The following NRXN3 variants were observed in gnomAD, a reference collection of about 807,000 sequenced individuals.
NRXN3 encodes the protein neurexin 3.
NRXN3 carries 32 observed loss-of-function variants against 137.6 expected under a neutral mutation model. That is an observed-to-expected ratio of 0.23 (90% confidence interval 0.18 to 0.31). NRXN3 has a LOEUF of 0.31. NRXN3 is among the 10% of genes least tolerant of loss of function. The pLI is 1.00. For synonymous variants in NRXN3, 798 were observed against 784.5 expected (o/e 1.02, Z -0.29); for missense variants, 1,574 against 2,062.5 (o/e 0.76, Z 4.59).
chr14:79,520,932 A>G (rs2097058234), intron 16 of NRXN3, among the ~76,000 whole-genome samples: 1 of 152,208 alleles, frequency 6.6e-6, no homozygotes, highest in Non-Finnish European at 1.5e-5. Context: ...TACCCAAAGG[A>G]TTATAAATTA....
rs1882822 is a variant in NRXN3, at chr14:78,243,847, G to A, written c.709+45G>A. The A allele has an allele frequency of 0.032, 45,781 of 1,441,280 alleles. 888 individuals are homozygous for A. The highest frequency in any genetic ancestry group is 0.038 in the Non-Finnish European group (41,108 of 1,071,286). 89.3% of individuals were successfully genotyped at this position (1,441,280 alleles called of 1,614,324 possible). On this transcript the variant is annotated intron_variant, in intron 2 of 20. Transcript: ENST00000335750. The surrounding 1 kb of genome is among the most constrained non-coding windows in gnomAD (Gnocchi z 4.2). ...TTGCTAGAGACCCACCCACGGGATG[G>A]CTGAGGCTGGGGCTCCTGATACAAA...
intron 15 of NRXN3, among the ~76,000 whole-genome samples, chr14:79,037,728 T>C (rs2099618415): frequency 7.2e-6 from 1 of 137,950 alleles, no homozygotes; most frequent in Admixed American, 7.8e-5. Flanking sequence ...TAAGAGCCAT[T>C]GCCAAGGCCA....
rs550215538 is a variant in NRXN3, at chr14:79,367,096, G to T, written c.3263-100125G>T. ...CCTCCTGGGTTCATGCCTTTCTCCT[G>T]CCTCAGCCTCCCAAGTAGCTGGGAC... On this transcript the variant is annotated intron_variant, in intron 15 of 20. Coordinates refer to ENST00000335750, the MANE Select transcript of NRXN3 (RefSeq NM_001330195.2). Among the ~76,000 whole-genome samples, 309 of 147,044 alleles carry T rather than the reference G, an allele frequency of 2.1e-3. 4 individuals carry two copies. Among genetic ancestry groups the T allele is most frequent in the Middle Eastern group, 0.015 (4 of 266 alleles).
At chr14:79,711,024 G>T (rs1271895837) in intron 19 of NRXN3, among the ~76,000 whole-genome samples, 2 of 152,188 alleles carry the variant, frequency 1.3e-5, no homozygotes, top group South Asian at 2.1e-4. Flanking sequence ...TATTTACAGA[G>T]GTCTATTCCA....
At chr14:79,388,008 C>G (rs1171080505) in intron 15 of NRXN3, among the ~76,000 whole-genome samples, 1 of 150,724 alleles carries the variant, frequency 6.6e-6, no homozygotes. Flanking sequence ...ATGTAAATGA[C>G]GAGTTAATGG....
intron 16 of NRXN3, among the ~76,000 whole-genome samples, chr14:79,488,125 A>G (rs533426731): frequency 1.3e-5 from 2 of 152,256 alleles, no homozygotes; most frequent in South Asian, 4.2e-4. Context: ...GACAAAAGTG[A>G]AGTAGAATTT....
At chr14:79,255,003 A>G (rs893222238) in intron 15 of NRXN3, among the ~76,000 whole-genome samples, 1 of 152,074 alleles carries the variant, frequency 6.6e-6, no homozygotes, top group African/African-American at 2.4e-5. Context: ...AATTGCTTGG[A>G]AGGGCGGTGT....
chr14:79,112,620 T>G (rs2053735048), intron 15 of NRXN3, among the ~76,000 whole-genome samples: 1 of 152,228 alleles, frequency 6.6e-6, no homozygotes, highest in African/African-American at 2.4e-5. Flanking sequence ...TTCAGAAGTG[T>G]TGTCTGCACA....
intron 20 of NRXN3, among the ~76,000 whole-genome samples, chr14:79,838,382 G>C (rs1285964596): frequency 6.6e-6 from 1 of 152,188 alleles, no homozygotes; most frequent in Non-Finnish European, 1.5e-5. Context: ...CTGTAAGTGG[G>C]TTCCAGGGTT....
chr14:79,288,180 A>C (rs2218785), intron 15 of NRXN3, among the ~76,000 whole-genome samples: 2,100 of 152,364 alleles, frequency 0.014, 35 homozygotes, highest in South Asian at 0.081. Context: ...ATAATGTACC[A>C]GAGTGGCACA....
intron 1 of NRXN3, among the ~76,000 whole-genome samples, chr14:78,230,446 G>A (rs1400850513): frequency 6.6e-6 from 1 of 152,100 alleles, no homozygotes; most frequent in Non-Finnish European, 1.5e-5. Flanking sequence ...TGATGGAGAG[G>A]CTGGGGTGAC....
intron 15 of NRXN3, among the ~76,000 whole-genome samples, chr14:79,407,185 T>TG (rs2095330789): frequency 6.6e-6 from 1 of 152,184 alleles, no homozygotes; most frequent in African/African-American, 2.4e-5. Flanking sequence ...GGTTTTAAAA[T>TG]TTTTTGTGTG....
chr14:78,232,601 G>T (rs185522841), intron 1 of NRXN3, among the ~76,000 whole-genome samples: 12 of 152,226 alleles, frequency 7.9e-5, no homozygotes, highest in Admixed American at 6.5e-4. Context: ...GGAAAGATCA[G>T]CTAAGCACCT....
At chr14:79,681,776 A>G (rs2098671807) in intron 17 of NRXN3, among the ~76,000 whole-genome samples, 1 of 152,076 alleles carries the variant, frequency 6.6e-6, no homozygotes. Context: ...ACACACTGGA[A>G]AAGAAGAAAG....
chr14:79,437,689 A>C (rs552448107), intron 15 of NRXN3, among the ~76,000 whole-genome samples: 3 of 152,284 alleles, frequency 2.0e-5, no homozygotes, highest in South Asian at 4.1e-4. Context: ...ATCTCTGCAG[A>C]CTTCTGGGGT....
At chr14:79,696,740 G>A (rs762565767) in intron 18 of NRXN3, among the ~76,000 whole-genome samples, 3 of 151,926 alleles carry the variant, frequency 2.0e-5, no homozygotes, top group Middle Eastern at 3.4e-3. Flanking sequence ...GTGGGAACTC[G>A]AAATAAAGTG....
chr14:78,709,428 C>T lies in NRXN3; in HGVS notation c.1433C>T (p.Thr478Ile), dbSNP rs2098387233. Reference sequence around the variant, plus strand: ...TCCATCTCCTTTGACTTCCGCACCACAGAGCCCAATGGCCTGATCCTCTTC... The same window carrying T: ...TCCATCTCCTTTGACTTCCGCACCATAGAGCCCAATGGCCTGATCCTCTTC... The part of the protein sequence containing the change: ...MGSISFDFRT[T>I]EPNGLILFTH... The change falls in exon 7 of 21, where the codon ACA becomes ATA. Residue 478 changes from threonine (T) to isoleucine (I), a missense_variant. Physicochemically the swap from Thr to Ile is moderately conservative, Grantham distance 89 (BLOSUM62 -1). Coordinates refer to ENST00000335750, the MANE Select transcript of NRXN3 (RefSeq NM_001330195.2). 6.8e-6 allele frequency: 11 copies of T among 1,614,168 alleles called. No individual in the cohort carries two copies. In the East Asian group the frequency reaches 2.5e-4, roughly 36 times the overall value.
At chr14:79,303,320 C>T (rs548545651) in intron 15 of NRXN3, among the ~76,000 whole-genome samples, 1 of 152,154 alleles carries the variant, frequency 6.6e-6, no homozygotes, top group Admixed American at 6.6e-5. Context: ...AACTAAAAAT[C>T]ATGAAGCAAT....
chr14:78,436,724 C>T lies in NRXN3; in HGVS notation c.757+138864C>T, dbSNP rs148730325. Among the ~76,000 whole-genome samples, 40 of 152,328 alleles carry T rather than the reference C, an allele frequency of 2.6e-4. 1 individual carries two copies. Among genetic ancestry groups the T allele is most frequent in the African/African-American group, 9.1e-4 (38 of 41,572 alleles). On this transcript the variant is annotated intron_variant, in intron 4 of 20. Transcript: ENST00000335750. ...CTAGTGAGGACAGTATTGGACAACACAGTTAGTTAGAGTCTGCTTATCTAT... is the reference window on the plus strand; with the variant it reads ...CTAGTGAGGACAGTATTGGACAACATAGTTAGTTAGAGTCTGCTTATCTAT...
Sources: allele counts gnomAD v4.1 joint callset (sites outside exome capture counted in the v4.1 genomes callset), GRCh38; gene constraint gnomAD v4.1.1; non-coding constraint Gnocchi (gnomAD v3.1); transcripts MANE v1.5; gene names NCBI Gene and HGNC (gene_info 2026-07-23, HGNC 2026-07-21).